The following PLCL2 variants were observed in gnomAD, a reference collection of about 807,000 sequenced individuals.
PLCL2 encodes inactive phospholipase C-like protein 2.
Under a neutral mutation model 79.6 loss-of-function variants are expected in PLCL2, and 4 were observed. The observed-to-expected ratio is 0.05, with a 90% CI of 0.02 to 0.11. The LOEUF (loss-of-function observed/expected upper bound fraction) is 0.11. PLCL2 is among the 10% of genes least tolerant of loss of function. The pLI, the probability that PLCL2 is intolerant of heterozygous loss-of-function variation, is 1.00. For missense variants in PLCL2, 895 were observed against 1,291.0 expected (o/e 0.69, Z 4.70); for synonymous variants, 484 against 457.7 (o/e 1.06, Z -0.73).
chr3:17,072,881 G>A (rs2065073927), intron 5 of PLCL2, among the ~76,000 whole-genome samples: 1 of 152,138 alleles, frequency 6.6e-6, no homozygotes, highest in Admixed American at 6.5e-5. Context: ...AGGAATAGCA[G>A]GGAAAAGAGA....
At chr3:17,020,614 C>G (rs1236053956) in intron 3 of PLCL2, among the ~76,000 whole-genome samples, 1 of 152,082 alleles carries the variant, frequency 6.6e-6, no homozygotes, top group African/African-American at 2.4e-5. Context: ...ATTAAGAAAG[C>G]ATACTCTGAG....
intron 4 of PLCL2, among the ~76,000 whole-genome samples, chr3:17,059,501 TATATATACAC>T (rs1166462388): frequency 6.6e-6 from 1 of 151,700 alleles, no homozygotes; most frequent in African/African-American, 2.4e-5. Context: ...TATATGTGTG[TATATATACAC>T]ACATATACAT....
rs771329080 is a variant in PLCL2 at position 17,010,457 on chromosome 3, C to G, written c.1111C>G (p.Gln371Glu). ...CCTTATGATGTTTCTTGAGGCAGAA[C>G]AGGGTGTGGCACATATAAATGAGGA... The part of the protein sequence containing the change: ...KDLMMFLEAE[Q>E]GVAHINEEIS... The change falls in exon 2 of 6, where the codon CAG (glutamine) becomes GAG (glutamate). Residue 371 changes from glutamine to glutamate, a missense_variant. Transcript: ENST00000615277. This position sits in a 1 kb window ranked among gnomAD's most constrained non-coding sequence, Gnocchi z 5.8. The G allele has an allele frequency of 1.9e-6, 3 of 1,614,024 alleles. No homozygotes were observed. The highest frequency in any genetic ancestry group is 2.2e-5 in the East Asian group (1 of 44,866).
chr3:16,980,562 A>C, intron 1 of PLCL2, among the ~76,000 whole-genome samples: 1 of 148,318 alleles, frequency 6.7e-6, no homozygotes, highest in Non-Finnish European at 1.5e-5. Context: ...GACGCTCCTC[A>C]CTTCCCAGAT....
At chr3:16,888,773 TTTAAG>T (rs906859390) in intron 1 of PLCL2, among the ~76,000 whole-genome samples, 2 of 152,200 alleles carry the variant, frequency 1.3e-5, no homozygotes, top group African/African-American at 4.8e-5. Context: ...TAGATTTCTG[TTTAAG>T]TTTAGAAAGA....
At chr3:17,037,701 C>T (rs1311732414) in intron 3 of PLCL2, among the ~76,000 whole-genome samples, 2 of 152,016 alleles carry the variant, frequency 1.3e-5, no homozygotes, top group Admixed American at 1.3e-4. Flanking sequence ...TTTCTTTCAC[C>T]CAAGTATATA....
intron 1 of PLCL2, among the ~76,000 whole-genome samples, chr3:16,979,763 C>T (rs1183687036): frequency 6.1e-5 from 9 of 147,954 alleles, no homozygotes; most frequent in South Asian, 2.2e-4. Flanking sequence ...GGCAACCATC[C>T]GATTTCTCAA....
chr3:16,920,587 T>C (rs945497439), intron 1 of PLCL2, among the ~76,000 whole-genome samples: 6 of 152,316 alleles, frequency 3.9e-5, no homozygotes, highest in African/African-American at 1.4e-4. Flanking sequence ...TGTGAGTGGC[T>C]ATTACACACT....
At chr3:16,993,881 A>C (rs1352810976) in intron 1 of PLCL2, among the ~76,000 whole-genome samples, 1 of 152,176 alleles carries the variant, frequency 6.6e-6, no homozygotes, top group African/African-American at 2.4e-5. Flanking sequence ...AATGGTATAG[A>C]GACCCTCTTA....
intron 3 of PLCL2, among the ~76,000 whole-genome samples, chr3:17,021,380 C>T (rs943820991): frequency 1.3e-5 from 2 of 152,116 alleles, no homozygotes; most frequent in African/African-American, 4.8e-5. Context: ...AATGTTTAAA[C>T]GATACAGTGT....
chr3:17,031,929 C>CTTTT (rs35640259), intron 3 of PLCL2, among the ~76,000 whole-genome samples: 9 of 109,042 alleles, frequency 8.3e-5, no homozygotes, highest in African/African-American at 1.8e-4. Context: ...CAATTTTCAC[C>CTTTT]TTTTTTTTTT....
At chr3:17,005,765 G>T (rs2064254628) in intron 1 of PLCL2, among the ~76,000 whole-genome samples, 1 of 152,080 alleles carries the variant, frequency 6.6e-6, no homozygotes, top group Admixed American at 6.6e-5. Flanking sequence ...AAAATTTCAG[G>T]GTTGATATGG....
At chr3:16,966,331 C>T (rs957109266) in intron 1 of PLCL2, among the ~76,000 whole-genome samples, 56 of 151,768 alleles carry the variant, frequency 3.7e-4, no homozygotes, top group African/African-American at 1.1e-3. Context: ...TATTGATTTG[C>T]GTATGTTGAA....
intron 1 of PLCL2, among the ~76,000 whole-genome samples, chr3:16,902,986 A>C (rs1575519878): frequency 6.6e-6 from 1 of 152,014 alleles, no homozygotes; most frequent in Non-Finnish European, 1.5e-5. Flanking sequence ...ATCATTTGCC[A>C]TGCACTGGTT....
intron 1 of PLCL2, among the ~76,000 whole-genome samples, chr3:16,903,052 C>T (rs767705307): frequency 2.5e-4 from 38 of 152,002 alleles, no homozygotes; most frequent in African/African-American, 4.1e-4. Context: ...ATTTGTTTTT[C>T]GTAGGAAAGG....
At chr3:16,975,631 A>G (rs997355706) in intron 1 of PLCL2, among the ~76,000 whole-genome samples, 1 of 152,108 alleles carries the variant, frequency 6.6e-6, no homozygotes, top group Non-Finnish European at 1.5e-5. Context: ...GAATTATACC[A>G]TGGCGGTTCT....
chr3:16,885,231 C>CG lies in PLCL2; in HGVS notation c.196dup (p.Asp66GlyfsTer6). ...ACGGAGACTGCAGCCTCGGCGTGTC[C>CG]GGGGACGAAGCCCGGGCTAGCCCTA... On this transcript the variant is annotated frameshift_variant, in exon 1 of 6. Transcript: ENST00000615277. LOFTEE classifies it high-confidence loss of function. The CG allele has an allele frequency of 1.5e-6, 1 of 664,186 alleles. No homozygotes were observed. The highest frequency in any genetic ancestry group is 2.7e-6 in the Non-Finnish European group (1 of 367,378). 41.1% of individuals were successfully genotyped at this position (664,186 alleles called of 1,614,324 possible).
chr3:16,955,203 A>G (rs895708714), intron 1 of PLCL2, among the ~76,000 whole-genome samples: 4 of 152,192 alleles, frequency 2.6e-5, no homozygotes, highest in African/African-American at 9.6e-5. Context: ...TAATTTTTGT[A>G]TAAGGTGTAA....
At chr3:16,888,326 A>T (rs1223758182) in intron 1 of PLCL2, among the ~76,000 whole-genome samples, 1 of 152,246 alleles carries the variant, frequency 6.6e-6, no homozygotes, top group Non-Finnish European at 1.5e-5. Flanking sequence ...GCCAAAATAG[A>T]TGCACAGATC....
Sources: gnomAD v4.1 joint callset for allele counts (sites outside exome capture counted in the v4.1 genomes callset) on GRCh38, gnomAD v4.1.1 for gene constraint, Gnocchi (gnomAD v3.1) non-coding constraint, MANE v1.5 for transcripts, NCBI Gene and HGNC (gene_info 2026-07-23, HGNC 2026-07-21) for gene names.